The following CPVL variants were observed in gnomAD, a reference collection of about 807,000 sequenced individuals.
The protein encoded by CPVL is probable serine carboxypeptidase CPVL.
A neutral mutation model predicts 63.7 loss-of-function variants in CPVL; 51 were observed. The observed-to-expected ratio is 0.80, with a 90% CI of 0.64 to 1.01. CPVL has a LOEUF of 1.01. Among genes scored for constraint, CPVL ranks in the 50% least tolerant of loss-of-function variants. The pLI is 0.00. For synonymous variants in CPVL, 195 were observed against 206.0 expected (o/e 0.95, Z 0.46); for missense variants, 530 against 573.1 (o/e 0.92, Z 0.77).
At chr7:29,164,013 C>A (rs1418339978) in intron 5 of CPVL, among the ~76,000 whole-genome samples, 1 of 152,180 alleles carries the variant, frequency 6.6e-6, no homozygotes, top group Non-Finnish European at 1.5e-5. Flanking sequence ...CATATGCTTT[C>A]GTTTCTCTTG....
chr7:29,077,215 G>T (rs1404445549), intron 7 of CPVL, among the ~76,000 whole-genome samples: 3 of 151,956 alleles, frequency 2.0e-5, no homozygotes, highest in Admixed American at 6.6e-5. Context: ...TGGAAACAAT[G>T]TCCTCTTACA....
intron 5 of CPVL, among the ~76,000 whole-genome samples, chr7:29,169,462 G>A (rs1258051597): frequency 6.6e-6 from 1 of 151,820 alleles, no homozygotes; most frequent in Non-Finnish European, 1.5e-5. Context: ...TTATATAAAT[G>A]TTTATATACA....
At chr7:29,078,168 T>G (rs756784946) in intron 7 of CPVL, among the ~76,000 whole-genome samples, 1 of 152,242 alleles carries the variant, frequency 6.6e-6, no homozygotes, top group African/African-American at 2.4e-5. Context: ...TTTTTTAATA[T>G]GGGCTTAAAA....
intron 11 of CPVL, among the ~76,000 whole-genome samples, chr7:29,056,728 T>A (rs1301201157): frequency 6.6e-6 from 1 of 152,022 alleles, no homozygotes; most frequent in Non-Finnish European, 1.5e-5. Context: ...ATGGTAAGAG[T>A]ATATTAAATT....
chr7:29,014,726 A>G (rs1421433598), intron 12 of CPVL, among the ~76,000 whole-genome samples: 2 of 152,072 alleles, frequency 1.3e-5, no homozygotes, highest in African/African-American at 4.8e-5. Flanking sequence ...CCTCCATTCA[A>G]TATGTTTTTG....
intron 12 of CPVL, among the ~76,000 whole-genome samples, chr7:29,004,521 C>A (rs2128128512): frequency 6.6e-6 from 1 of 152,244 alleles, no homozygotes; most frequent in Middle Eastern, 3.4e-3. Context: ...TTTCCTTGGG[C>A]AGTATAGTTA....
At chr7:29,033,245 T>A (rs1196699462) in intron 11 of CPVL, among the ~76,000 whole-genome samples, 1 of 152,170 alleles carries the variant, frequency 6.6e-6, no homozygotes, top group Non-Finnish European at 1.5e-5. Flanking sequence ...AAATGTCACA[T>A]TTACTCTCAT....
intron 1 of CPVL, among the ~76,000 whole-genome samples, chr7:29,189,944 C>T (rs889632156): frequency 6.6e-6 from 1 of 152,194 alleles, no homozygotes; most frequent in African/African-American, 2.4e-5. Flanking sequence ...GTAGCAGAGG[C>T]GGCCTCCCTT....
At chr7:29,115,992 G>A (rs1047868789) in intron 2 of CPVL, among the ~76,000 whole-genome samples, 2 of 152,114 alleles carry the variant, frequency 1.3e-5, no homozygotes. Flanking sequence ...TCCCTCCTAG[G>A]TCAGGAGGTT....
intron 1 of CPVL, among the ~76,000 whole-genome samples, chr7:29,123,771 TC>T (rs1789687537): frequency 6.7e-6 from 1 of 149,418 alleles, no homozygotes; most frequent in Non-Finnish European, 1.5e-5. Context: ...TTCTCAATCT[TC>T]CTGCTGCCAA....
chr7:29,171,211 A>G (rs1393414292), intron 5 of CPVL, among the ~76,000 whole-genome samples: 1 of 152,198 alleles, frequency 6.6e-6, no homozygotes, highest in African/African-American at 2.4e-5. Flanking sequence ...ACATGAAGGA[A>G]CAGCGCAGAC....
At chr7:29,141,178 G>A (rs1229602324) in intron 1 of CPVL, among the ~76,000 whole-genome samples, 2 of 152,194 alleles carry the variant, frequency 1.3e-5, no homozygotes, top group Admixed American at 6.5e-5. Context: ...ATGTGCAAAC[G>A]CCTAACACAG....
chr7:29,085,043 T>C (rs1785074848), intron 7 of CPVL, among the ~76,000 whole-genome samples: 1 of 152,210 alleles, frequency 6.6e-6, no homozygotes, highest in Non-Finnish European at 1.5e-5. Flanking sequence ...ATTAGAATTA[T>C]GGGTATCAGT....
chr7:29,033,989 C>A (rs1011784273), intron 11 of CPVL, among the ~76,000 whole-genome samples: 1 of 152,190 alleles, frequency 6.6e-6, no homozygotes, highest in African/African-American at 2.4e-5. Flanking sequence ...ATGCTTCAAA[C>A]CTGGGGAAAG....
intron 1 of CPVL, among the ~76,000 whole-genome samples, chr7:29,191,201 G>A (rs1424716499): frequency 6.6e-6 from 1 of 152,086 alleles, no homozygotes; most frequent in East Asian, 1.9e-4. Context: ...TGAGTCACTG[G>A]GATTATAGGC....
chr7:29,110,919 C>T (rs1788165102), intron 3 of CPVL, among the ~76,000 whole-genome samples: 2 of 152,178 alleles, frequency 1.3e-5, no homozygotes, highest in South Asian at 4.1e-4. Flanking sequence ...GCTGCCTTTG[C>T]AGGCTTTGAA....
intron 11 of CPVL, among the ~76,000 whole-genome samples, chr7:29,034,019 ATTT>A (rs1385318949): frequency 6.6e-6 from 1 of 152,220 alleles, no homozygotes; most frequent in Non-Finnish European, 1.5e-5. Flanking sequence ...AAATACAGTT[ATTT>A]GAGCTATGGT....
intron 5 of CPVL, among the ~76,000 whole-genome samples, chr7:29,173,496 A>T (rs1385079864): frequency 6.6e-6 from 1 of 152,144 alleles, no homozygotes; most frequent in African/African-American, 2.4e-5. Flanking sequence ...GTACAATATT[A>T]TAACTTTCTT....
chr7:29,112,657 G>T (rs200114640), intron 3 of CPVL, 47 bp downstream of exon 3: 2 of 1,276,070 alleles, frequency 1.6e-6, no homozygotes, highest in South Asian at 1.2e-5. Context: ...ACCCTCAAAC[G>T]GCAAGCCAGG....
Sources: gnomAD v4.1 joint callset for allele counts (sites outside exome capture counted in the v4.1 genomes callset) on GRCh38, gnomAD v4.1.1 for gene constraint, MANE v1.5 for transcripts, NCBI Gene and HGNC (gene_info 2026-07-23, HGNC 2026-07-21) for gene names.